The following AARS1 variants were observed in gnomAD, a reference collection of about 807,000 sequenced individuals.
The protein encoded by AARS1 is alanyl-tRNA synthetase 1.
Under a neutral mutation model 108.9 loss-of-function variants are expected in AARS1, and 72 were observed. The observed-to-expected ratio is 0.66, with a 90% CI of 0.55 to 0.80. The LOEUF (loss-of-function observed/expected upper bound fraction) is 0.80. Ranked by LOEUF, AARS1 falls within the 30% of genes least tolerant of loss-of-function variation. AARS1 has a pLI of 0.00. For synonymous variants in AARS1, 489 were observed against 465.7 expected, an observed-to-expected ratio of 1.05 and a Z score of -0.64; for missense variants, 1,193 against 1,233.2, an observed-to-expected ratio of 0.97 and a Z score of 0.49.
intron 1 of AARS1, among the ~76,000 whole-genome samples, chr16:70,287,817 G>A (rs1960888976): frequency 6.6e-6 from 1 of 152,160 alleles, no homozygotes; most frequent in Non-Finnish European, 1.5e-5. Flanking sequence ...AGGCTGGAGT[G>A]CAATGGTGCG....
intron 16 of AARS1, 29 bp downstream of exon 16, chr16:70,255,699 T>C (rs1167760276): frequency 6.3e-7 from 1 of 1,599,844 alleles, no homozygotes; most frequent in South Asian, 1.1e-5. Flanking sequence ...CTTCTTCAGA[T>C]AAGCCACAAA....
chr16:70,277,968 G>C (rs1960589078), intron 2 of AARS1, among the ~76,000 whole-genome samples: 1 of 151,924 alleles, frequency 6.6e-6, no homozygotes, highest in Non-Finnish European at 1.5e-5. Flanking sequence ...GGCCAGGCTG[G>C]TCTCGAACAC....
At chr16:70,253,470 CACCCCT>C in intron 19 of AARS1, 89 bp from the exon 20 acceptor site, 1 of 1,163,472 alleles carries the variant, frequency 8.6e-7, no homozygotes, top group Admixed American at 1.9e-5. Flanking sequence ...GCCTGCCACC[CACCCCT>C]ACCCCTTCCC....
intron 4 of AARS1, 146 bp downstream of exon 4, chr16:70,276,339 AT>A: frequency 1.1e-6 from 1 of 899,346 alleles, no homozygotes. Flanking sequence ...GGTTCAAGCG[AT>A]TCTCTAGCCT....
At chr16:70,279,037 T>C (rs1052003813) in intron 2 of AARS1, among the ~76,000 whole-genome samples, 1 of 152,132 alleles carries the variant, frequency 6.6e-6, no homozygotes. Context: ...GCATGCAGGC[T>C]GACAGCTACT....
intron 9 of AARS1, 51 bp downstream of exon 9, chr16:70,267,608 C>T: frequency 1.2e-6 from 2 of 1,611,362 alleles, no homozygotes; most frequent in Non-Finnish European, 1.7e-6. Context: ...GCTTGTCTTT[C>T]CCAGAAAGAT....
At position 70,260,719 on chromosome 16, in the gene AARS1, G is replaced by A. The variant is rs563751075; in HGVS notation, c.1785+325C>T. 1.7e-3 allele frequency among the ~76,000 whole-genome samples: 251 copies of A among 152,102 alleles called. 1 individual carries two copies. Among genetic ancestry groups the A allele is most frequent in the Middle Eastern group, 3.4e-3 (1 of 294 alleles). On this transcript the variant is annotated intron_variant, in intron 13 of 20. Coordinates refer to ENST00000261772, the MANE Select transcript of AARS1 (RefSeq NM_001605.3). ...GCTCTGTTGCCCAGGCTGGTGTGCA[G>A]TGGCGGGATCTTGGCTCACTGCAAG...
At chr16:70,263,282 T>C (rs2152157311) in intron 11 of AARS1, among the ~76,000 whole-genome samples, 1 of 152,008 alleles carries the variant, frequency 6.6e-6, no homozygotes, top group East Asian at 2.0e-4. Context: ...AGGTGTAAGA[T>C]TGTTCTCAGC....
At position 70,276,979 on chromosome 16, in the gene AARS1, C is replaced by G; in HGVS notation, c.320G>C (p.Gly107Ala). ...CTCTGAACTTACCTTAAAGTAATCT[C>G]CAAAAGACCAAGAGCCCAGCATCTC... The part of the protein sequence containing the change: ...FFEMLGSWSF[G>A]DYFKELACKM... The change falls in exon 3 of 21, where the codon GGA becomes GCA. Residue 107 changes from glycine to alanine, a missense_variant. By Grantham distance (60) the Gly-to-Ala change is moderately conservative. Coordinates refer to ENST00000261772, the MANE Select transcript of AARS1 (RefSeq NM_001605.3). 2 of 1,614,130 alleles carry G rather than the reference C, an allele frequency of 1.2e-6. No homozygotes were observed. The highest frequency in any genetic ancestry group is 1.7e-6 in the Non-Finnish European group (2 of 1,180,020).
intron 1 of AARS1, among the ~76,000 whole-genome samples, chr16:70,284,368 C>T (rs1597450020): frequency 6.6e-6 from 1 of 151,308 alleles, no homozygotes; most frequent in South Asian, 2.1e-4. Context: ...TTTGAGAGGC[C>T]GAGGCAGGCG....
chr16:70,283,449 C>T (rs758458269), intron 1 of AARS1, among the ~76,000 whole-genome samples: 1 of 151,898 alleles, frequency 6.6e-6, no homozygotes, highest in Non-Finnish European at 1.5e-5. Flanking sequence ...GAGAAAAACC[C>T]TCAGTTTAGT....
intron 14 of AARS1, 34 bp downstream of exon 14, chr16:70,258,946 G>C (rs1179013451): frequency 6.3e-7 from 1 of 1,592,922 alleles, no homozygotes; most frequent in Non-Finnish European, 8.6e-7. Flanking sequence ...TGACGGTGTG[G>C]GGAGGGGGGG....
At chr16:70,282,338 A>C (rs1373056986) in intron 2 of AARS1, among the ~76,000 whole-genome samples, 2 of 151,490 alleles carry the variant, frequency 1.3e-5, no homozygotes, top group Admixed American at 6.6e-5. Context: ...CAGGAAAAAA[A>C]AAAAAAAAAA....
At chr16:70,260,751 C>T (rs138355157) in intron 13 of AARS1, among the ~76,000 whole-genome samples, 12 of 152,232 alleles carry the variant, frequency 7.9e-5, no homozygotes, top group African/African-American at 2.4e-4. Flanking sequence ...CAAGCTCCCC[C>T]TCCCGGGTTC....
Position 70,269,668 on chromosome 16 carries a change from G to C in AARS1, c.912C>G (p.Thr304=), listed in dbSNP as rs2152161707. 6.2e-7 allele frequency: 1 copy of C among 1,614,142 alleles called. No individual in the cohort carries two copies. The highest frequency in any genetic ancestry group is 8.5e-7 in the Non-Finnish European group (1 of 1,180,032). ...AYRVLADHAR[T]ITVALADGGR... is the part of the protein sequence containing the mutation. ...CACCATCAGCCAGTGCCACAGTGAT[G>C]GTCCGAGCGTGGTCAGCCAGCACCC... is the stretch of plus-strand genomic sequence containing the variant. Residue 304 remains threonine, a synonymous_variant, in exon 7 of 21, where the codon ACC becomes ACG. Transcript: ENST00000261772.
chr16:70,289,364 C>A (rs943401030), intron 1 of AARS1, 57 bp downstream of exon 1: 3 of 355,956 alleles, frequency 8.4e-6, no homozygotes, highest in South Asian at 2.1e-5. Flanking sequence ...GCTTTCCCCC[C>A]AGTCTGCGGG....
At chr16:70,279,403 T>G (rs1960636546) in intron 2 of AARS1, among the ~76,000 whole-genome samples, 1 of 144,144 alleles carries the variant, frequency 6.9e-6, no homozygotes, top group Non-Finnish European at 1.5e-5. Flanking sequence ...CTCACACCTG[T>G]AATCCCAGCA....
intron 17 of AARS1, 24 bp downstream of exon 17, chr16:70,254,597 C>T (rs370485788): frequency 8.6e-6 from 13 of 1,508,412 alleles, no homozygotes; most frequent in East Asian, 2.3e-5. Flanking sequence ...GCCCTGAGGA[C>T]GGAGGGAGGG....
At chr16:70,279,222 G>A (rs939252772) in intron 2 of AARS1, among the ~76,000 whole-genome samples, 1 of 151,532 alleles carries the variant, frequency 6.6e-6, no homozygotes, top group Admixed American at 6.6e-5. Context: ...TGGTGGGGGG[G>A]TGCCTGTAGT....
Sources: allele counts gnomAD v4.1 joint callset (sites outside exome capture counted in the v4.1 genomes callset), GRCh38; gene constraint gnomAD v4.1.1; transcripts MANE v1.5; gene names NCBI Gene and HGNC (gene_info 2026-07-23, HGNC 2026-07-21).